Variants in LEPR observed in about 807,000 individuals in gnomAD.
LEPR encodes the protein OB receptor.
LEPR carries 56 observed loss-of-function variants against 114.7 expected under a neutral mutation model. That is an observed-to-expected ratio of 0.49 (90% CI 0.39 to 0.61). The LOEUF (loss-of-function observed/expected upper bound fraction) is 0.61. Among genes scored for constraint, LEPR ranks in the 20% least tolerant of loss-of-function variants. LEPR has a pLI of 0.00. For missense variants in LEPR, 1,202 were observed against 1,352.9 expected, an observed-to-expected ratio of 0.89 and a Z score of 1.75; for synonymous variants, 443 against 461.4, an observed-to-expected ratio of 0.96 and a Z score of 0.51.
intron 5 of LEPR, among the ~76,000 whole-genome samples, chr1:65,574,891 G>A (rs1489074522): frequency 6.6e-6 from 1 of 152,092 alleles, no homozygotes; most frequent in Non-Finnish European, 1.5e-5. Flanking sequence ...GGGTCTTTAG[G>A]CAGAGCTCAT....
chr1:65,597,355 C>T (rs1048566964), intron 7 of LEPR, among the ~76,000 whole-genome samples: 7 of 152,134 alleles, frequency 4.6e-5, no homozygotes, highest in Admixed American at 2.0e-4. Flanking sequence ...ACAGTTCGTT[C>T]CGTAAGTATT....
At chr1:65,554,972 C>G (rs1652710303) in intron 2 of LEPR, among the ~76,000 whole-genome samples, 1 of 152,090 alleles carries the variant, frequency 6.6e-6, no homozygotes, top group Admixed American at 6.5e-5. Flanking sequence ...GAGGGAGTTT[C>G]TTGATCCCTT....
At chr1:65,570,079 ATATT>A (rs1654050083) in intron 3 of LEPR, among the ~76,000 whole-genome samples, 1 of 152,344 alleles carries the variant, frequency 6.6e-6, no homozygotes, top group African/African-American at 2.4e-5. Flanking sequence ...GCACATCCAG[ATATT>A]TATTTATCAT....
intron 2 of LEPR, among the ~76,000 whole-genome samples, chr1:65,503,400 T>A (rs948384232): frequency 3.9e-5 from 6 of 152,122 alleles, no homozygotes; most frequent in Non-Finnish European, 7.4e-5. Context: ...TGATAAAACC[T>A]CACTGAAGGG....
intron 2 of LEPR, among the ~76,000 whole-genome samples, chr1:65,552,957 T>G (rs1285502203): frequency 1.3e-5 from 2 of 152,204 alleles, no homozygotes; most frequent in Non-Finnish European, 2.9e-5. Flanking sequence ...AAGGATTTTA[T>G]TTCTCCTTCA....
intron 2 of LEPR, among the ~76,000 whole-genome samples, chr1:65,503,104 C>A (rs1199802655): frequency 1.3e-5 from 2 of 151,926 alleles, no homozygotes; most frequent in African/African-American, 4.8e-5. Flanking sequence ...TCTGGAAAGG[C>A]AAAACTATGG....
chr1:65,616,761 G>A (rs1657552098), intron 15 of LEPR, among the ~76,000 whole-genome samples: 1 of 152,038 alleles, frequency 6.6e-6, no homozygotes, highest in Non-Finnish European at 1.5e-5. Flanking sequence ...TGATTAATCG[G>A]AGAATTGAGA....
In LEPR at chr1:65,433,213, T is replaced by C. The variant is rs1646512431; in HGVS notation, c.-21+7835T>C. ...CAGTTCTGGTTTGCCCTGACTTCTC[T>C]ACGGCTCTGGCTTCTTCCCGAAGAG... On this transcript the variant is annotated intron_variant, in intron 2 of 19. Coordinates refer to ENST00000349533, the MANE Select transcript of LEPR (RefSeq NM_002303.6). 4.1e-6 allele frequency: 4 copies of C among 985,406 alleles called. No individual in the cohort carries two copies. In the African/African-American group the frequency reaches 5.2e-5, roughly 13 times the overall value. The allele number at this position is 985,406 out of a possible 1,614,324, so 61.0% of individuals were successfully genotyped here. A position where few individuals can be genotyped will look rare whatever the true frequency, so the allele number is the denominator to read the frequency against.
At chr1:65,446,966 G>A (rs746875579) in intron 2 of LEPR, among the ~76,000 whole-genome samples, 1 of 152,056 alleles carries the variant, frequency 6.6e-6, no homozygotes, top group Non-Finnish European at 1.5e-5. Flanking sequence ...TGAGTAGCTG[G>A]GACTACAGGT....
chr1:65,432,272 C>T, intron 2 of LEPR: 1 of 998,712 alleles, frequency 1.0e-6, no homozygotes, highest in African/African-American at 1.7e-5. Context: ...AACGCTGAAG[C>T]AGGCCTCTCA....
intron 19 of LEPR, chr1:65,626,371 G>T: frequency 1.7e-6 from 2 of 1,187,578 alleles, no homozygotes; most frequent in Non-Finnish European, 2.1e-6. Context: ...TTGTAGGACT[G>T]ATTTTTTAAA....
chr1:65,607,225 G>A (rs1656873063), intron 11 of LEPR, among the ~76,000 whole-genome samples: 3 of 152,130 alleles, frequency 2.0e-5, no homozygotes. Flanking sequence ...TTTGTTGGTT[G>A]GATGGTTTCA....
chr1:65,521,523 G>A (rs1649637188), intron 2 of LEPR, among the ~76,000 whole-genome samples: 1 of 152,086 alleles, frequency 6.6e-6, no homozygotes, highest in African/African-American at 2.4e-5. Flanking sequence ...AGACTGTCAC[G>A]GTGTCTTCTA....
intron 2 of LEPR, among the ~76,000 whole-genome samples, chr1:65,476,858 A>C (rs1229257185): frequency 6.6e-6 from 1 of 152,222 alleles, no homozygotes; most frequent in Non-Finnish European, 1.5e-5. Flanking sequence ...TGAGCATAGA[A>C]CTTAAAATGT....
intron 2 of LEPR, among the ~76,000 whole-genome samples, chr1:65,507,087 A>G (rs906057739): frequency 1.3e-5 from 2 of 151,944 alleles, no homozygotes; most frequent in African/African-American, 2.4e-5. Context: ...GTCTTGCTCT[A>G]TCGCCCAGGC....
chr1:65,502,680 G>A (rs926817063), intron 2 of LEPR, among the ~76,000 whole-genome samples: 8 of 152,138 alleles, frequency 5.3e-5, no homozygotes, highest in African/African-American at 1.9e-4. Flanking sequence ...TAGTTATGAA[G>A]CCTTCATTGT....
intron 5 of LEPR, among the ~76,000 whole-genome samples, chr1:65,580,330 T>C (rs12239395): frequency 0.3 from 46,163 of 152,054 alleles, 7,894 homozygotes; most frequent in East Asian, 0.83. Flanking sequence ...GTGATTACTA[T>C]AGAAAAGCTT....
intron 2 of LEPR, among the ~76,000 whole-genome samples, chr1:65,551,083 A>G (rs1418908208): frequency 2.6e-5 from 4 of 152,072 alleles, no homozygotes; most frequent in Non-Finnish European, 5.9e-5. Context: ...ATCGTGGTGG[A>G]TGAGCTTTTT....
intron 2 of LEPR, among the ~76,000 whole-genome samples, chr1:65,519,950 A>G (rs1370615194): frequency 1.3e-5 from 2 of 151,358 alleles, no homozygotes; most frequent in African/African-American, 4.9e-5. Context: ...TGCAACCTCC[A>G]CCTCCTGGGT....
Sources: gnomAD v4.1 joint callset for allele counts (sites outside exome capture counted in the v4.1 genomes callset) on GRCh38, gnomAD v4.1.1 for gene constraint, MANE v1.5 for transcripts, NCBI Gene and HGNC (gene_info 2026-07-23, HGNC 2026-07-21) for gene names.